The following ARID3A variants were observed in gnomAD, a reference collection of about 807,000 sequenced individuals.
ARID3A encodes AT-rich interaction domain 3A.
In ARID3A, 11 loss-of-function variants were observed where a neutral mutation model predicts 52.7. That is an observed-to-expected ratio of 0.21 (90% CI 0.13 to 0.35). The LOEUF (loss-of-function observed/expected upper bound fraction) is 0.35. Among genes scored for constraint, ARID3A ranks in the 10% least tolerant of loss-of-function variants. The pLI is 1.00. For missense variants in ARID3A, 721 were observed against 838.5 expected, an observed-to-expected ratio of 0.86 and a Z score of 1.73; for synonymous variants, 404 against 359.4, an observed-to-expected ratio of 1.12 and a Z score of -1.40.
chr19:935,789 T>C (rs1359501463), intron 3 of ARID3A, among the ~76,000 whole-genome samples: 2 of 149,484 alleles, frequency 1.3e-5, no homozygotes, highest in East Asian at 4.1e-4. Flanking sequence ...TTTATTTATA[T>C]ATTTGTTTAT....
intron 1 of ARID3A, among the ~76,000 whole-genome samples, chr19:927,357 T>TA (rs55874507): frequency 0.73 from 109,267 of 149,654 alleles, 40,071 homozygotes; most frequent in African/African-American, 0.78. Flanking sequence ...AGTTTAGGGT[T>TA]ATGGCGGCGA....
At chr19:949,554 C>A (rs1378110312) in intron 3 of ARID3A, among the ~76,000 whole-genome samples, 1 of 152,200 alleles carries the variant, frequency 6.6e-6, no homozygotes, top group East Asian at 1.9e-4. Context: ...AAGCCATCCT[C>A]CTGCCTCGGC....
chr19:963,144 T>C (rs1361707878), intron 4 of ARID3A, among the ~76,000 whole-genome samples: 1 of 152,144 alleles, frequency 6.6e-6, no homozygotes, highest in Admixed American at 6.5e-5. Flanking sequence ...GGCTGCTCAC[T>C]CAGGGCTGCA....
chr19:931,451 C>CAGA (rs1555725617), intron 2 of ARID3A, among the ~76,000 whole-genome samples: 1,162 of 79,532 alleles, frequency 0.015, 17 homozygotes, highest in African/African-American at 0.047. Context: ...GACTGTGTCT[C>CAGA]AAAAAAAAAA....
chr19:951,332 G>A (rs2037799293), intron 3 of ARID3A, among the ~76,000 whole-genome samples: 1 of 151,680 alleles, frequency 6.6e-6, no homozygotes, highest in Non-Finnish European at 1.5e-5. Context: ...CGAGGCGGGC[G>A]GATCACAAGG....
intron 6 of ARID3A, among the ~76,000 whole-genome samples, chr19:966,289 G>A (rs1307697384): frequency 1.3e-5 from 2 of 151,284 alleles, no homozygotes; most frequent in African/African-American, 4.9e-5. Flanking sequence ...AAGAAACCCC[G>A]TCTCTACTAA....
intron 3 of ARID3A, among the ~76,000 whole-genome samples, chr19:934,094 A>G (rs955367850): frequency 1.3e-5 from 2 of 152,096 alleles, no homozygotes; most frequent in Admixed American, 1.3e-4. Flanking sequence ...ACATTCACCC[A>G]ATATTCGCCA....
At chr19:967,501 G>A (rs769173769) in intron 7 of ARID3A, among the ~76,000 whole-genome samples, 3 of 152,202 alleles carry the variant, frequency 2.0e-5, no homozygotes, top group Non-Finnish European at 4.4e-5. Context: ...CGAGGCTGCA[G>A]TGAGCCATGA....
intron 4 of ARID3A, among the ~76,000 whole-genome samples, chr19:963,852 G>A (rs1348439241): frequency 6.6e-6 from 1 of 152,222 alleles, no homozygotes; most frequent in African/African-American, 2.4e-5. Flanking sequence ...CAGAGCCCCT[G>A]TCAGTGTGGA....
Position 971,873 on chromosome 19 carries a change from C to T in ARID3A, c.1595-5C>T, listed in dbSNP as rs750376177. The T allele has an allele frequency of 1.9e-6, 3 of 1,597,778 alleles. No homozygotes were observed. Among genetic ancestry groups the T allele is most frequent in the Admixed American group, 3.4e-5 (2 of 58,284 alleles). On this transcript the variant is annotated splice_polypyrimidine_tract_variant and splice_region_variant and intron_variant, in intron 8 of 8. Coordinates refer to ENST00000263620, the MANE Select transcript of ARID3A (RefSeq NM_005224.3). ...CATGGCATATGTCTTCTGTTCTTGC[C>T]TTAGGAGTTCTGTTTGCTCAGCCGC...
chr19:967,128 G>A lies in ARID3A; in HGVS notation c.1495+260G>A, dbSNP rs183032091. On this transcript the variant is annotated intron_variant, in intron 7 of 8. Coordinates refer to ENST00000263620, the MANE Select transcript of ARID3A (RefSeq NM_005224.3). ...CAACAAATTAGCCGGGCGTGGCAGCGCACCCCTGTAGTCCCAGCTACTTGG... is the reference window on the plus strand; with the variant it reads ...CAACAAATTAGCCGGGCGTGGCAGCACACCCCTGTAGTCCCAGCTACTTGG... Among the ~76,000 whole-genome samples the A allele has an allele frequency of 2.0e-3, 305 of 152,102 alleles. 3 individuals carry two copies. The highest frequency in any genetic ancestry group is 0.011 in the South Asian group (54 of 4,810).
chr19:931,717 G>A (rs555737490), intron 2 of ARID3A, among the ~76,000 whole-genome samples: 37 of 151,720 alleles, frequency 2.4e-4, no homozygotes, highest in South Asian at 1.0e-3. Context: ...GGAGGCTGAG[G>A]CAGGAGAATG....
At chr19:957,548 C>G (rs2037948445) in intron 3 of ARID3A, among the ~76,000 whole-genome samples, 1 of 152,204 alleles carries the variant, frequency 6.6e-6, no homozygotes, top group East Asian at 1.9e-4. Context: ...AATTGTGTCC[C>G]CCAAAGAAAA....
chr19:933,846 TG>T (rs1555726109), intron 3 of ARID3A, among the ~76,000 whole-genome samples: 1,260 of 43,150 alleles, frequency 0.029, 23 homozygotes, highest in African/African-American at 0.054. Context: ...GGGGACTCGG[TG>T]GGGGGGGGGG....
In ARID3A at chr19:971,997, G is replaced by A. The variant is rs371664837; in HGVS notation, c.1714G>A (p.Gly572Ser). The change falls in exon 9 of 9, where the codon GGC becomes AGC. Residue 572 changes from glycine to serine, a missense_variant. This residue lies in a region of ARID3A where 297 missense variants were observed against 343.2 expected (regional missense o/e 0.87). Transcript: ENST00000263620. ...GGRGGNTGTS[G>S]GQAGPAGLST... ...CCGGGGAGGAAACACCGGAACCAGC[G>A]GCGGCCAGGCTGGGCCAGCGGGGCT... is the stretch of plus-strand genomic sequence containing the variant. 3.8e-5 allele frequency: 61 copies of A among 1,600,816 alleles called. 1 individual carries two copies. The highest frequency in any genetic ancestry group is 1.7e-4 in the Middle Eastern group (1 of 5,956).
rs866011089 is a variant in ARID3A, at chr19:929,084, C to T, written c.-267-178C>T. On this transcript the variant is annotated intron_variant, in intron 1 of 8. Transcript: ENST00000263620. The surrounding 1 kb of genome is among the most constrained non-coding windows in gnomAD (Gnocchi z 6.2). ...GGCCCCGTGCGGGGCGACCTTGCTA[C>T]CCAGGCCCACAGTAGGCTGTATGCG... 1.3e-5 allele frequency: 2 copies of T among 156,620 alleles called. No homozygotes were observed. The highest frequency in any genetic ancestry group is 3.1e-3 in the Middle Eastern group (1 of 320). The allele number at this position is 156,620 out of a possible 1,614,324, so 9.7% of individuals were successfully genotyped here. A position where few individuals can be genotyped will look rare whatever the true frequency, so the allele number is the denominator to read the frequency against.
At chr19:953,480 C>CA (rs139895513) in intron 3 of ARID3A, among the ~76,000 whole-genome samples, 1 of 151,956 alleles carries the variant, frequency 6.6e-6, no homozygotes, top group Non-Finnish European at 1.5e-5. Context: ...CCCACACCCC[C>CA]CCCCGTGCAG....
At chr19:939,156 G>C (rs2145377057) in intron 3 of ARID3A, among the ~76,000 whole-genome samples, 1 of 150,104 alleles carries the variant, frequency 6.7e-6, no homozygotes, top group Non-Finnish European at 1.5e-5. Context: ...GTCTTGCTCT[G>C]TCACCAGCCT....
chr19:970,267 C>T (rs917421719), intron 8 of ARID3A, among the ~76,000 whole-genome samples: 6 of 151,596 alleles, frequency 4.0e-5, no homozygotes, highest in African/African-American at 1.2e-4. Context: ...GAGCCGAGAT[C>T]GCGCCACCGC....
Sources: gnomAD v4.1 joint callset for allele counts (sites outside exome capture counted in the v4.1 genomes callset) on GRCh38, gnomAD v4.1.1 for gene constraint, gnomAD v4.1.1 regional missense constraint, Gnocchi (gnomAD v3.1) non-coding constraint, MANE v1.5 for transcripts, NCBI Gene and HGNC (gene_info 2026-07-23, HGNC 2026-07-21) for gene names.